The following PGGT1B variants were observed in gnomAD, a reference collection of about 807,000 sequenced individuals.
The protein encoded by PGGT1B is protein geranylgeranyltransferase type I subunit beta, also known as geranylgeranyl transferase type-1 subunit beta.
PGGT1B carries 30 observed loss-of-function variants against 46.1 expected under a neutral mutation model. The ratio of observed to expected loss-of-function variants is 0.65; its 90% CI spans 0.49 to 0.88. The LOEUF is 0.88. PGGT1B is among the 40% of genes least tolerant of loss of function. The pLI, the probability that PGGT1B is intolerant of heterozygous loss-of-function variation, is 0.00. For synonymous variants in PGGT1B, 170 were observed against 160.0 expected (o/e 1.06, Z -0.47); for missense variants, 376 against 455.9 (o/e 0.82, Z 1.60).
At chr5:115,234,445 A>G (rs892944904) in intron 5 of PGGT1B, among the ~76,000 whole-genome samples, 3 of 151,972 alleles carry the variant, frequency 2.0e-5, no homozygotes, top group African/African-American at 7.2e-5. Flanking sequence ...ATCTTTTTGT[A>G]TAGTTCTGAC....
chr5:115,221,145 T>C (rs373787322), intron 7 of PGGT1B, among the ~76,000 whole-genome samples: 1 of 151,944 alleles, frequency 6.6e-6, no homozygotes, highest in Admixed American at 6.6e-5. Context: ...GAGAAAAAAT[T>C]AGGATATTAT....
intron 2 of PGGT1B, among the ~76,000 whole-genome samples, chr5:115,251,760 AGTGTGTATAT>A (rs1269850002): frequency 3.3e-5 from 5 of 152,014 alleles, no homozygotes; most frequent in Admixed American, 6.6e-5. Flanking sequence ...TATGTGCCAC[AGTGTGTATAT>A]GATTTCCTAT....
chr5:115,236,925 T>G (rs922878423), intron 4 of PGGT1B, among the ~76,000 whole-genome samples: 1 of 152,190 alleles, frequency 6.6e-6, no homozygotes, highest in African/African-American at 2.4e-5. Context: ...AGTTTTTCTA[T>G]GTGAAATTTC....
intron 2 of PGGT1B, among the ~76,000 whole-genome samples, chr5:115,246,182 C>A (rs1422947137): frequency 6.6e-6 from 1 of 151,870 alleles, no homozygotes; most frequent in Non-Finnish European, 1.5e-5. Flanking sequence ...AGAATTCTAC[C>A]CCATCTCTAC....
intron 1 of PGGT1B, among the ~76,000 whole-genome samples, chr5:115,258,913 G>A (rs777820114): frequency 3.9e-5 from 6 of 152,124 alleles, no homozygotes; most frequent in African/African-American, 1.4e-4. Flanking sequence ...ATGCAACACC[G>A]CAGCTCTTTC....
chr5:115,238,090 A>G (rs1280743138), intron 3 of PGGT1B, 81 bp from the exon 4 acceptor site: 8 of 970,510 alleles, frequency 8.2e-6, no homozygotes, highest in South Asian at 1.8e-5. Flanking sequence ...ATAAGGTTTT[A>G]GTAAATAGTA....
intron 6 of PGGT1B, among the ~76,000 whole-genome samples, chr5:115,222,957 G>A (rs924812731): frequency 1.5e-4 from 23 of 152,236 alleles, no homozygotes; most frequent in South Asian, 2.1e-4. Context: ...ATCACACACC[G>A]GGGCCTGTTG....
chr5:115,237,191 C>G (rs1375801823), intron 4 of PGGT1B, among the ~76,000 whole-genome samples: 1 of 152,166 alleles, frequency 6.6e-6, no homozygotes, highest in African/African-American at 2.4e-5. Context: ...TTTCCCTCAT[C>G]AAGAGCAGTG....
chr5:115,262,847 G>T lies in PGGT1B; in HGVS notation c.5C>A (p.Ala2Glu). The T allele has an allele frequency of 6.2e-7, 1 of 1,611,948 alleles. No homozygotes were observed. The highest frequency in any genetic ancestry group is 1.7e-5 in the Admixed American group (1 of 60,006). ...TGCTAGCCTCTCATCCTCAGTGGCCGCCATGCTGCTCCGGAAGCGACGTCC... is the reference window on the plus strand; with the variant it reads ...TGCTAGCCTCTCATCCTCAGTGGCCTCCATGCTGCTCCGGAAGCGACGTCC... M[A>E]ATEDERLAGS... The change falls in exon 1 of 9, where the codon GCG becomes GAG. Residue 2 changes from alanine (A) to glutamate (E), a missense_variant. Ala to Glu is a moderately radical substitution (Grantham distance 107, BLOSUM62 -1). This residue lies in a region of PGGT1B where 154 missense variants were observed against 142.3 expected (regional missense o/e 1.08). Coordinates refer to ENST00000419445, the MANE Select transcript of PGGT1B (RefSeq NM_005023.4).
At position 115,253,687 on chromosome 5, in the gene PGGT1B, T is replaced by C. The variant is rs545835780; in HGVS notation, c.141-432A>G. ...TAATTCTGGAGGAATATGAGAATAATGTCTTAATTCAAAGGTGTTCACAAA... is the reference window on the plus strand; with the variant it reads ...TAATTCTGGAGGAATATGAGAATAACGTCTTAATTCAAAGGTGTTCACAAA... On this transcript the variant is annotated intron_variant, in intron 1 of 8. Coordinates refer to ENST00000419445, the MANE Select transcript of PGGT1B (RefSeq NM_005023.4). Among the ~76,000 whole-genome samples the C allele has an allele frequency of 2.6e-5, 4 of 152,160 alleles. No individual in the cohort carries two copies. In the East Asian group the frequency reaches 5.8e-4, roughly 22 times the overall value.
Position 115,205,676 on chromosome 5 carries a change from A to G in PGGT1B, c.*6726T>C, listed in dbSNP as rs1449167820. On this transcript the variant is annotated 3_prime_UTR_variant, in exon 9 of 9. Coordinates refer to ENST00000419445, the MANE Select transcript of PGGT1B (RefSeq NM_005023.4). ...AAAGGTCTTTTCTAATGCCACAATT[A>G]TTACAAGTAGACAGTTTTACTATCA... 1 of 152,078 alleles carries G rather than the reference A, an allele frequency of 6.6e-6. No homozygotes were observed. The highest frequency in any genetic ancestry group is 1.5e-5 in the Non-Finnish European group (1 of 67,964). 9.4% of individuals were successfully genotyped at this position (152,078 alleles called of 1,614,324 possible).
chr5:115,244,847 T>G (rs1247485545), intron 2 of PGGT1B, among the ~76,000 whole-genome samples: 1 of 152,122 alleles, frequency 6.6e-6, no homozygotes, highest in African/African-American at 2.4e-5. Flanking sequence ...TGTCTTGGCC[T>G]CCCAAAGTAC....
chr5:115,253,156 C>A lies in PGGT1B; in HGVS notation c.240G>T (p.Gln80His). 1 of 1,606,200 alleles carries A rather than the reference C, an allele frequency of 6.2e-7. No individual in the cohort carries two copies. ...ACTCACTGTCTTCTGTGGGAAGGAC[C>A]TGCAGGGAATAAATCCACTCTATTA... Reference protein sequence around the residue: ...DDIIEWIYSLQVLPTEDRSNL... With the variant: ...DDIIEWIYSLHVLPTEDRSNL... Residue 80 changes from glutamine to histidine, a missense_variant, in exon 2 of 9, where the codon CAG (glutamine) becomes CAT (histidine). By Grantham distance (24) the Gln-to-His change is conservative. This residue lies in a region of PGGT1B where 154 missense variants were observed against 142.3 expected (regional missense o/e 1.08). Transcript: ENST00000419445.
chr5:115,228,642 T>C (rs1756871951), intron 6 of PGGT1B, among the ~76,000 whole-genome samples: 1 of 151,982 alleles, frequency 6.6e-6, no homozygotes, highest in Non-Finnish European at 1.5e-5. Flanking sequence ...ATGAACAGCA[T>C]GTACAAAAGC....
intron 1 of PGGT1B, among the ~76,000 whole-genome samples, chr5:115,254,601 C>CTTTT (rs57405842): frequency 7.0e-6 from 1 of 143,282 alleles, no homozygotes; most frequent in African/African-American, 2.6e-5. Flanking sequence ...GATTTCTTCT[C>CTTTT]TTTTTTTTTT....
chr5:115,227,980 C>A (rs1357665466), intron 6 of PGGT1B, among the ~76,000 whole-genome samples: 2 of 152,100 alleles, frequency 1.3e-5, no homozygotes, highest in African/African-American at 2.4e-5. Context: ...AAAACAAAAA[C>A]TGAAAAGGAG....
In PGGT1B at chr5:115,212,122, C is replaced by T. The variant is rs548840455; in HGVS notation, c.*280G>A. Reference sequence around the variant, plus strand: ...CACTGAAGAGTTTTTAAAAAGATAACCTACACACATACAGTTAATTTGCCT... The same window carrying T: ...CACTGAAGAGTTTTTAAAAAGATAATCTACACACATACAGTTAATTTGCCT... On this transcript the variant is annotated 3_prime_UTR_variant, in exon 9 of 9. Coordinates refer to ENST00000419445, the MANE Select transcript of PGGT1B (RefSeq NM_005023.4). 2.9e-6 allele frequency: 1 copy of T among 341,558 alleles called. No individual in the cohort carries two copies. The highest frequency in any genetic ancestry group is 2.2e-5 in the African/African-American group (1 of 46,068). 21.2% of individuals were successfully genotyped at this position (341,558 alleles called of 1,614,324 possible).
Position 115,212,239 on chromosome 5 carries a change from A to G in PGGT1B, c.*163T>C. The G allele has an allele frequency of 1.6e-6, 2 of 1,287,548 alleles. No individual in the cohort carries two copies. Among genetic ancestry groups the G allele is most frequent in the Non-Finnish European group, 2.1e-6 (2 of 966,682 alleles). 79.8% of individuals were successfully genotyped at this position (1,287,548 alleles called of 1,614,324 possible). On this transcript the variant is annotated 3_prime_UTR_variant, in exon 9 of 9. Transcript: ENST00000419445. ...AACAAAGATTTTCTTGAAACCCAGT[A>G]TAAAGATTACTGGCTCAAGACCATA... is the stretch of plus-strand genomic sequence containing the variant.
intron 7 of PGGT1B, among the ~76,000 whole-genome samples, chr5:115,217,202 G>A (rs1756447247): frequency 6.6e-6 from 1 of 151,592 alleles, no homozygotes. Context: ...TCTGAACCAG[G>A]CCAACTGAAC....
Sources: gnomAD v4.1 joint callset for allele counts (sites outside exome capture counted in the v4.1 genomes callset) on GRCh38, gnomAD v4.1.1 for gene constraint, gnomAD v4.1.1 regional missense constraint, MANE v1.5 for transcripts, NCBI Gene and HGNC (gene_info 2026-07-23, HGNC 2026-07-21) for gene names.